Variants in RGL1 observed in about 807,000 individuals in gnomAD.
The protein encoded by RGL1 is ral guanine nucleotide dissociation stimulator-like 1.
RGL1 carries 24 observed loss-of-function variants against 95.2 expected under a neutral mutation model. The observed-to-expected ratio is 0.25, with a 90% CI of 0.18 to 0.35. The LOEUF (loss-of-function observed/expected upper bound fraction) is 0.35. Among genes scored for constraint, RGL1 ranks in the 10% least tolerant of loss-of-function variants. The pLI is 1.00. For synonymous variants in RGL1, 329 were observed against 344.9 expected, an observed-to-expected ratio of 0.95 and a Z score of 0.51; for missense variants, 715 against 936.3, an observed-to-expected ratio of 0.76 and a Z score of 3.08.
At chr1:183,756,244 T>A (rs944350736) in intron 2 of RGL1, among the ~76,000 whole-genome samples, 1 of 150,680 alleles carries the variant, frequency 6.6e-6, no homozygotes, top group Non-Finnish European at 1.5e-5. Flanking sequence ...CAGGCTGGAG[T>A]GCAACTTTGA....
At chr1:183,919,375 T>A (rs1463995475) in intron 16 of RGL1, among the ~76,000 whole-genome samples, 1 of 152,200 alleles carries the variant, frequency 6.6e-6, no homozygotes, top group African/African-American at 2.4e-5. Context: ...ACTGGACCGA[T>A]TTGTGCTGTT....
At chr1:183,898,677 AC>A (rs753270567) in intron 10 of RGL1, among the ~76,000 whole-genome samples, 106 of 152,354 alleles carry the variant, frequency 7.0e-4, no homozygotes, top group Middle Eastern at 3.4e-3. Flanking sequence ...AGTGTTACAA[AC>A]TTTTTTGGTT....
At chr1:183,782,712 G>A (rs1659967177) in intron 2 of RGL1, among the ~76,000 whole-genome samples, 1 of 152,202 alleles carries the variant, frequency 6.6e-6, no homozygotes, top group Non-Finnish European at 1.5e-5. Flanking sequence ...GTACCATGCA[G>A]GGATTTGGTG....
intron 7 of RGL1, 54 bp from the exon 8 acceptor site, chr1:183,888,420 C>A: frequency 9.6e-7 from 1 of 1,039,596 alleles, no homozygotes; most frequent in South Asian, 1.3e-5. Context: ...ACCACCAAGT[C>A]ATTGTAATAT....
intron 17 of RGL1, among the ~76,000 whole-genome samples, chr1:183,922,794 C>T (rs1186309772): frequency 6.6e-6 from 1 of 152,070 alleles, no homozygotes; most frequent in Admixed American, 6.5e-5. Context: ...AAGGTATTTT[C>T]TTTATTCATG....
chr1:183,864,704 G>T (rs1360473082), intron 3 of RGL1, among the ~76,000 whole-genome samples: 1 of 152,214 alleles, frequency 6.6e-6, no homozygotes, highest in Non-Finnish European at 1.5e-5. Flanking sequence ...AAAAGAGAGG[G>T]TGGAGACCAG....
intron 7 of RGL1, among the ~76,000 whole-genome samples, chr1:183,887,560 T>C (rs1229776040): frequency 3.3e-5 from 5 of 152,126 alleles, no homozygotes; most frequent in African/African-American, 4.8e-5. Flanking sequence ...TGCCTGTATA[T>C]GAAGCATCTC....
At chr1:183,716,627 C>A (rs541471899) in intron 1 of RGL1, among the ~76,000 whole-genome samples, 6 of 152,178 alleles carry the variant, frequency 3.9e-5, no homozygotes, top group East Asian at 1.9e-4. Flanking sequence ...TGTTTGGGGG[C>A]GGCTGAAAAA....
intron 2 of RGL1, among the ~76,000 whole-genome samples, chr1:183,823,962 A>T (rs933585631): frequency 6.6e-6 from 1 of 150,686 alleles, no homozygotes; most frequent in African/African-American, 2.4e-5. Context: ...AATTCTTTTA[A>T]TTTTTTTTTA....
intron 17 of RGL1, among the ~76,000 whole-genome samples, 197 bp downstream of exon 17, chr1:183,922,533 G>A (rs781509268): frequency 1.4e-4 from 22 of 152,200 alleles, no homozygotes; most frequent in African/African-American, 4.6e-4. Context: ...ACCGCTCTCC[G>A]ATTCCCCAGC....
chr1:183,791,652 T>C (rs1219811579), intron 2 of RGL1, among the ~76,000 whole-genome samples: 2 of 152,258 alleles, frequency 1.3e-5, no homozygotes, highest in Non-Finnish European at 2.9e-5. Context: ...AACTTTTCTA[T>C]GTTTTTAAAC....
chr1:183,721,007 G>T (rs1211423497), intron 1 of RGL1, among the ~76,000 whole-genome samples: 1 of 152,176 alleles, frequency 6.6e-6, no homozygotes, highest in Non-Finnish European at 1.5e-5. Context: ...AAACCCCTGA[G>T]ATATCCTGGT....
At chr1:183,787,247 C>G (rs1489861660) in intron 2 of RGL1, among the ~76,000 whole-genome samples, 1 of 152,176 alleles carries the variant, frequency 6.6e-6, no homozygotes, top group East Asian at 1.9e-4. Flanking sequence ...GCATTGCTCT[C>G]TTCTTCACTC....
At chr1:183,840,366 A>G (rs1210374581) in intron 2 of RGL1, among the ~76,000 whole-genome samples, 5 of 152,302 alleles carry the variant, frequency 3.3e-5, no homozygotes. Context: ...CAAGGGAGAA[A>G]GAAGTGTAGG....
rs761872667 is a variant in RGL1, at chr1:183,805,294, G to C, written c.-4G>C. The C allele has an allele frequency of 5.6e-6, 9 of 1,611,798 alleles. No homozygotes were observed. The highest frequency in any genetic ancestry group is 1.3e-5 in the African/African-American group (1 of 74,950). ...GCGTTCGCGCACCGGAGAGAAAACT[G>C]AGAATGAAATTGCTTTGGCAAGCTA... On this transcript the variant is annotated 5_prime_UTR_variant, in exon 1 of 18. Coordinates refer to ENST00000360851, the MANE Select transcript of RGL1 (RefSeq NM_001297671.3).
intron 1 of RGL1, among the ~76,000 whole-genome samples, chr1:183,721,633 T>A (rs558902581): frequency 9.8e-5 from 15 of 152,366 alleles, no homozygotes; most frequent in African/African-American, 3.6e-4. Context: ...CCTGCTATTA[T>A]ACAAATGCGC....
rs566035987 is a variant in RGL1 at position 183,717,207 on chromosome 1, C to T, written c.-32-24919C>T. The stretch of plus-strand genomic sequence containing the variant: ...CAATGAAAGAATTTTGTTAGTTCTT[C>T]TTTCCCACCTCTTTCACAGTTGCCC... On this transcript the variant is annotated intron_variant, in intron 1 of 18. Coordinates refer to the RGL1 transcript ENST00000304685. Among the ~76,000 whole-genome samples the T allele has an allele frequency of 5.3e-5, 8 of 152,304 alleles. No homozygotes were observed. The South Asian group carries it at 1.4e-3, about 28-fold the overall frequency.
rs533406387 is a variant in RGL1, at chr1:183,851,315, C to A, written c.347+3541C>A. On this transcript the variant is annotated intron_variant, in intron 3 of 17. Transcript: ENST00000360851. The stretch of plus-strand genomic sequence containing the variant: ...ACAATACCCAGCTTCTGCAAGACAC[C>A]ATGCAGATGGAACTCAGGAATATGA... Among the ~76,000 whole-genome samples, 90 of 152,250 alleles carry A rather than the reference C, an allele frequency of 5.9e-4. 1 individual carries two copies. Among genetic ancestry groups the A allele is most frequent in the Non-Finnish European group, 9.7e-4 (66 of 68,016 alleles).
At chr1:183,654,990 G>A (rs761539976) in intron 1 of RGL1, among the ~76,000 whole-genome samples, 2 of 152,194 alleles carry the variant, frequency 1.3e-5, no homozygotes, top group Non-Finnish European at 2.9e-5. Flanking sequence ...AAATTGACAT[G>A]TATTGGAAAG....
Sources: gnomAD v4.1 joint callset for allele counts (sites outside exome capture counted in the v4.1 genomes callset) on GRCh38, gnomAD v4.1.1 for gene constraint, MANE v1.5 for transcripts, NCBI Gene and HGNC (gene_info 2026-07-23, HGNC 2026-07-21) for gene names.